DAB1: variants seen among roughly 807,000 people sequenced by gnomAD.
DAB1 encodes disabled homolog 1.
DAB1 carries 15 observed loss-of-function variants against 64.6 expected under a neutral mutation model. The ratio of observed to expected loss-of-function variants is 0.23; its 90% CI spans 0.16 to 0.36. The LOEUF (loss-of-function observed/expected upper bound fraction) is 0.36, where lower values mean the gene tolerates loss of function less well. DAB1 is among the 10% of genes least tolerant of loss of function. DAB1 has a pLI of 1.00. For synonymous variants in DAB1, 235 were observed against 251.9 expected (o/e 0.93, Z 0.64); for missense variants, 596 against 706.7 (o/e 0.84, Z 1.78).
At chr1:57,587,303 T>C (rs781139801) in intron 7 of DAB1, among the ~76,000 whole-genome samples, 1 of 152,224 alleles carries the variant, frequency 6.6e-6, no homozygotes, top group African/African-American at 2.4e-5. Flanking sequence ...AAGAGGTCTC[T>C]AAGGGATAAT....
intron 5 of DAB1, among the ~76,000 whole-genome samples, chr1:58,101,096 C>A (rs1321559959): frequency 6.6e-6 from 1 of 152,176 alleles, no homozygotes; most frequent in Non-Finnish European, 1.5e-5. Flanking sequence ...GCAGGTGGAT[C>A]ACGAGGTCAG....
At chr1:57,548,579 G>A (rs1644880473) in intron 7 of DAB1, among the ~76,000 whole-genome samples, 1 of 152,204 alleles carries the variant, frequency 6.6e-6, no homozygotes, top group Non-Finnish European at 1.5e-5. Context: ...CAGTGAGACA[G>A]TCCACACAAT....
At chr1:57,994,268 A>G (rs1646392319) in intron 5 of DAB1, among the ~76,000 whole-genome samples, 1 of 152,214 alleles carries the variant, frequency 6.6e-6, no homozygotes, top group Admixed American at 6.5e-5. Context: ...TCTGGATGAC[A>G]TGTATGAGGA....
At chr1:58,233,148 C>T (rs1659857869) in intron 4 of DAB1, among the ~76,000 whole-genome samples, 1 of 152,124 alleles carries the variant, frequency 6.6e-6, no homozygotes, top group Non-Finnish European at 1.5e-5. Context: ...AAGTAGGGAG[C>T]ATTTTCTTAA....
intron 4 of DAB1, among the ~76,000 whole-genome samples, chr1:58,342,237 T>G (rs937981316): frequency 6.6e-6 from 1 of 152,086 alleles, no homozygotes. Flanking sequence ...AAAGCCATGA[T>G]GATAAGATAT....
chr1:57,841,878 G>T (rs1030711871), intron 1 of DAB1, among the ~76,000 whole-genome samples: 1 of 152,138 alleles, frequency 6.6e-6, no homozygotes, highest in Non-Finnish European at 1.5e-5. Flanking sequence ...TTAACATTTG[G>T]CTCCTTGTTA....
At chr1:58,498,186 A>G (rs11207244) in intron 3 of DAB1, among the ~76,000 whole-genome samples, 3,319 of 152,038 alleles carry the variant, frequency 0.022, 74 homozygotes, top group African/African-American at 0.061. Context: ...TATTCAAATT[A>G]TTCTCTATCT....
chr1:57,809,604 T>TAACA (rs1651521716), intron 6 of DAB1, among the ~76,000 whole-genome samples: 1 of 151,288 alleles, frequency 6.6e-6, no homozygotes, highest in African/African-American at 2.5e-5. Context: ...ATTTAAACTG[T>TAACA]TTCTCATTAT....
intron 1 of DAB1, among the ~76,000 whole-genome samples, chr1:57,393,789 G>T (rs986524819): frequency 5.3e-5 from 8 of 152,130 alleles, no homozygotes; most frequent in Admixed American, 6.5e-5. Flanking sequence ...ATTTTCTATG[G>T]CTACTTTTGA....
chr1:58,075,262 G>C (rs968975126), intron 5 of DAB1, among the ~76,000 whole-genome samples: 1 of 152,162 alleles, frequency 6.6e-6, no homozygotes, highest in Non-Finnish European at 1.5e-5. Flanking sequence ...AGTTAGTAAA[G>C]TCTGTTCAAA....
intron 5 of DAB1, among the ~76,000 whole-genome samples, chr1:57,899,316 G>A (rs1159617595): frequency 6.6e-6 from 1 of 152,086 alleles, no homozygotes. Context: ...ACAGGGATGG[G>A]AATTGCTTTG....
intron 2 of DAB1, among the ~76,000 whole-genome samples, chr1:57,201,088 A>G (rs264040): frequency 0.24 from 37,241 of 152,118 alleles, 5,218 homozygotes; most frequent in Non-Finnish European, 0.32. Flanking sequence ...TCTCAGGGCC[A>G]CACAGCTAAG....
chr1:57,153,024 A>G (rs1190149001), intron 2 of DAB1, among the ~76,000 whole-genome samples: 2 of 152,290 alleles, frequency 1.3e-5, no homozygotes, highest in East Asian at 1.9e-4. Context: ...TCTATATATT[A>G]TTATTATCAT....
chr1:58,529,720 A>C (rs1184500046), intron 1 of DAB1, among the ~76,000 whole-genome samples: 1 of 152,226 alleles, frequency 6.6e-6, no homozygotes, highest in Non-Finnish European at 1.5e-5. Context: ...TTTGGATAGA[A>C]AATATCTACG....
intron 4 of DAB1, among the ~76,000 whole-genome samples, chr1:58,159,656 A>G (rs1359509740): frequency 6.6e-6 from 1 of 152,226 alleles, no homozygotes; most frequent in Non-Finnish European, 1.5e-5. Flanking sequence ...AGCTGCAGGA[A>G]GTGAGAACTG....
intron 5 of DAB1, among the ~76,000 whole-genome samples, chr1:58,116,781 A>G (rs1401418097): frequency 2.0e-5 from 3 of 152,256 alleles, no homozygotes; most frequent in Admixed American, 1.3e-4. Flanking sequence ...TGAAAAAAGA[A>G]TAAGGTAACA....
intron 7 of DAB1, among the ~76,000 whole-genome samples, chr1:57,465,463 A>C (rs1375159052): frequency 6.6e-6 from 1 of 152,210 alleles, no homozygotes; most frequent in Non-Finnish European, 1.5e-5. Context: ...ACATGAATGA[A>C]CATCAGTGAG....
chr1:57,938,066 C>T (rs975500231), intron 5 of DAB1, among the ~76,000 whole-genome samples: 1 of 152,188 alleles, frequency 6.6e-6, no homozygotes, highest in African/African-American at 2.4e-5. Flanking sequence ...TTGCACTAAG[C>T]AGAAATAATC....
intron 3 of DAB1, among the ~76,000 whole-genome samples, chr1:58,432,185 G>A (rs1428560922): frequency 6.6e-6 from 1 of 152,066 alleles, no homozygotes; most frequent in South Asian, 2.1e-4. Context: ...CTGCTTTCTT[G>A]GCACCCTACA....
Sources: gnomAD v4.1 joint callset for allele counts (sites outside exome capture counted in the v4.1 genomes callset) on GRCh38, gnomAD v4.1.1 for gene constraint, MANE v1.5 for transcripts, NCBI Gene and HGNC (gene_info 2026-07-23, HGNC 2026-07-21) for gene names.